The following HPGDS variants were observed in gnomAD, a reference collection of about 807,000 sequenced individuals.
The protein encoded by HPGDS is GST class-sigma.
HPGDS carries 26 observed loss-of-function variants against 23.1 expected under a neutral mutation model. That is an observed-to-expected ratio of 1.13 (90% CI 0.83 to 1.56). The LOEUF (loss-of-function observed/expected upper bound fraction) is 1.56. HPGDS is among the 40% of genes most tolerant of loss of function. The probability of loss-of-function intolerance (pLI) is 0.00; values close to 1 mark genes in which losing one functional copy is unlikely to be tolerated. For missense variants in HPGDS, 268 were observed against 236.4 expected, an observed-to-expected ratio of 1.13 and a Z score of -0.88; for synonymous variants, 95 against 77.9, an observed-to-expected ratio of 1.22 and a Z score of -1.16.
intron 3 of HPGDS, among the ~76,000 whole-genome samples, chr4:94,316,853 A>C (rs745877255): frequency 2.2e-4 from 34 of 152,360 alleles, no homozygotes; most frequent in Non-Finnish European, 1.9e-4. Flanking sequence ...GATGCACATA[A>C]AGTTTGAAAA....
chr4:94,326,819 T>C (rs1362673358), intron 2 of HPGDS, among the ~76,000 whole-genome samples: 3 of 152,210 alleles, frequency 2.0e-5, no homozygotes, highest in African/African-American at 2.4e-5. Context: ...GTATCTGGTA[T>C]AGTAGTCGCT....
rs1755971446 is a variant in HPGDS at position 94,298,580 on chromosome 4, T to C, written c.*900A>G. ...CGAAAAGAGAGTCAGCCGAGTTTTA[T>C]GAGTTCTATATAATTTTGAATAATA... is the stretch of plus-strand genomic sequence containing the variant. On this transcript the variant is annotated 3_prime_UTR_variant, in exon 6 of 6. Coordinates refer to ENST00000295256, the MANE Select transcript of HPGDS (RefSeq NM_014485.3). The C allele has an allele frequency of 6.6e-6, 1 of 152,284 alleles. No homozygotes were observed. Among genetic ancestry groups the C allele is most frequent in the African/African-American group, 2.4e-5 (1 of 41,468 alleles). 9.4% of individuals were successfully genotyped at this position (152,284 alleles called of 1,614,324 possible).
At chr4:94,308,339 T>A (rs1756178831) in intron 4 of HPGDS, among the ~76,000 whole-genome samples, 1 of 152,014 alleles carries the variant, frequency 6.6e-6, no homozygotes, top group South Asian at 2.1e-4. Flanking sequence ...GAGAAATCAT[T>A]TACAATTGGT....
At chr4:94,330,744 C>A (rs1011683608) in intron 2 of HPGDS, among the ~76,000 whole-genome samples, 1 of 151,736 alleles carries the variant, frequency 6.6e-6, no homozygotes, top group Non-Finnish European at 1.5e-5. Flanking sequence ...GGAAAAATAT[C>A]CTTATTTTTG....
At chr4:94,338,547 CAAAAT>C (rs1267362174) in intron 1 of HPGDS, among the ~76,000 whole-genome samples, 3 of 152,130 alleles carry the variant, frequency 2.0e-5, no homozygotes, top group South Asian at 2.1e-4. Context: ...AATGAAAAAA[CAAAAT>C]AAAATACCTC....
intron 2 of HPGDS, among the ~76,000 whole-genome samples, chr4:94,322,390 C>T (rs1243046973): frequency 1.3e-5 from 2 of 152,092 alleles, no homozygotes; most frequent in Non-Finnish European, 2.9e-5. Context: ...TCCACCTGGT[C>T]CTGGACTTTT....
chr4:94,340,359 G>T (rs1721134449), intron 1 of HPGDS, among the ~76,000 whole-genome samples: 1 of 25,876 alleles, frequency 3.9e-5, no homozygotes, highest in South Asian at 2.2e-3. Context: ...TTTTTTTTGA[G>T]ACGGAGTCTC....
At chr4:94,324,749 G>A (rs1245722949) in intron 2 of HPGDS, among the ~76,000 whole-genome samples, 1 of 152,164 alleles carries the variant, frequency 6.6e-6, no homozygotes, top group African/African-American at 2.4e-5. Flanking sequence ...ACCTTCTGAA[G>A]CCTACTTATG....
chr4:94,320,873 T>C (rs905326383), intron 2 of HPGDS, among the ~76,000 whole-genome samples: 12 of 152,222 alleles, frequency 7.9e-5, no homozygotes, highest in African/African-American at 2.9e-4. Context: ...CTAGGTTTTC[T>C]TCTAGGGTTT....
chr4:94,304,833 G>A (rs545030289), intron 4 of HPGDS, among the ~76,000 whole-genome samples: 2 of 152,076 alleles, frequency 1.3e-5, no homozygotes, highest in Admixed American at 1.3e-4. Context: ...ATAAATGTTC[G>A]AAGAATATTT....
At chr4:94,319,612 C>G (rs1482109076) in intron 2 of HPGDS, among the ~76,000 whole-genome samples, 4 of 152,198 alleles carry the variant, frequency 2.6e-5, no homozygotes, top group African/African-American at 9.6e-5. Flanking sequence ...ATCTGCTCTA[C>G]CAGTTAGTTT....
intron 2 of HPGDS, among the ~76,000 whole-genome samples, chr4:94,326,498 G>T (rs1756634177): frequency 6.6e-6 from 1 of 152,132 alleles, no homozygotes; most frequent in Middle Eastern, 3.4e-3. Context: ...GTCTATTGAA[G>T]CTCTAGTTGT....
intron 2 of HPGDS, among the ~76,000 whole-genome samples, chr4:94,322,455 A>G (rs1443335142): frequency 6.6e-6 from 1 of 152,152 alleles, no homozygotes; most frequent in Non-Finnish European, 1.5e-5. Context: ...TTATTGGTCT[A>G]TTCAGGGATT....
chr4:94,331,212 G>A (rs556783563), intron 2 of HPGDS, among the ~76,000 whole-genome samples: 3 of 152,154 alleles, frequency 2.0e-5, no homozygotes, highest in Admixed American at 6.5e-5. Flanking sequence ...TCATCTACAG[G>A]GACTCAAATA....
At chr4:94,310,439 G>T (rs1264467540) in intron 3 of HPGDS, among the ~76,000 whole-genome samples, 1 of 152,182 alleles carries the variant, frequency 6.6e-6, no homozygotes, top group Non-Finnish European at 1.5e-5. Context: ...TCAGATGGTT[G>T]TAGATGTGTG....
At chr4:94,320,821 T>A (rs548337060) in intron 2 of HPGDS, among the ~76,000 whole-genome samples, 23 of 152,242 alleles carry the variant, frequency 1.5e-4, no homozygotes, top group Middle Eastern at 3.4e-3. Context: ...GGTGTTTTAG[T>A]CATGAAGTCC....
At chr4:94,332,817 C>T (rs1756758663) in intron 2 of HPGDS, among the ~76,000 whole-genome samples, 1 of 152,202 alleles carries the variant, frequency 6.6e-6, no homozygotes, top group South Asian at 2.1e-4. Context: ...CCTTCTGCTC[C>T]TCAAGGTTTA....
intron 2 of HPGDS, among the ~76,000 whole-genome samples, chr4:94,324,299 G>A (rs192717699): frequency 1.8e-3 from 277 of 152,266 alleles, no homozygotes; most frequent in African/African-American, 6.4e-3. Flanking sequence ...GAATTTGCAT[G>A]TTGGCCTGTC....
intron 2 of HPGDS, among the ~76,000 whole-genome samples, chr4:94,319,148 C>T (rs1579438477): frequency 6.6e-6 from 1 of 152,150 alleles, no homozygotes; most frequent in Non-Finnish European, 1.5e-5. Flanking sequence ...ATCTCCAACT[C>T]TTGTTACATT....
Sources: gnomAD v4.1 joint callset for allele counts (sites outside exome capture counted in the v4.1 genomes callset) on GRCh38, gnomAD v4.1.1 for gene constraint, MANE v1.5 for transcripts, NCBI Gene and HGNC (gene_info 2026-07-23, HGNC 2026-07-21) for gene names.